Variants in HECTD4 observed in about 807,000 individuals in gnomAD.
The protein encoded by HECTD4 is probable E3 ubiquitin-protein ligase HECTD4.
In HECTD4, 114 loss-of-function variants were observed where a neutral mutation model predicts 471.5. That is an observed-to-expected ratio of 0.24 (90% CI 0.21 to 0.28). The LOEUF (loss-of-function observed/expected upper bound fraction) is 0.28, where lower values mean the gene tolerates loss of function less well. Among genes scored for constraint, HECTD4 ranks in the 10% least tolerant of loss-of-function variants. The pLI, the probability that HECTD4 is intolerant of heterozygous loss-of-function variation, is 1.00. For synonymous variants in HECTD4, 2,012 were observed against 2,256.0 expected (o/e 0.89, Z 3.07); for missense variants, 3,866 against 5,651.5 (o/e 0.68, Z 10.13).
intron 62 of HECTD4, among the ~76,000 whole-genome samples, chr12:112,181,128 A>G (rs2031654297): frequency 2.0e-5 from 3 of 151,428 alleles, no homozygotes; most frequent in Admixed American, 2.0e-4. Flanking sequence ...AGATCGCACC[A>G]CTGCACTCCA....
At chr12:112,182,116 A>C (rs759908594) in intron 62 of HECTD4, among the ~76,000 whole-genome samples, 54 of 151,828 alleles carry the variant, frequency 3.6e-4, no homozygotes, top group Non-Finnish European at 6.3e-4. Flanking sequence ...TTACAATTTT[A>C]TACTTCAAAA....
chr12:112,291,198 T>C (rs970322104), intron 7 of HECTD4, among the ~76,000 whole-genome samples: 4 of 152,134 alleles, frequency 2.6e-5, no homozygotes, highest in South Asian at 2.1e-4. Flanking sequence ...TACTAAAATA[T>C]ACACAAAAAG....
rs72342162 is a variant in HECTD4, at chr12:112,329,370, G to GT, written c.178-9629dup. ...TGTATTGATTTGTTTTGGGTTTTTTGTTTTTTTTTTTTTTTTTAACAGAGT... is the reference window on the plus strand; with the variant it reads ...TGTATTGATTTGTTTTGGGTTTTTTGTTTTTTTTTTTTTTTTTTAACAGAGT... On this transcript the variant is annotated intron_variant, in intron 1 of 75. Transcript: ENST00000682272. 4.5e-3 allele frequency among the ~76,000 whole-genome samples: 585 copies of GT among 131,072 alleles called. 2 individuals carry two copies. Among genetic ancestry groups the GT allele is most frequent in the Non-Finnish European group, 4.8e-3 (293 of 61,030 alleles). The allele number at this position is 131,072 out of a possible 152,430, so 86.0% of individuals were successfully genotyped here. A position where few individuals can be genotyped will look rare whatever the true frequency, so the allele number is the denominator to read the frequency against.
rs889310868 is a variant in HECTD4 at position 112,162,674 on chromosome 12, C to A, written c.13121-151G>T. On this transcript the variant is annotated intron_variant, in intron 75 of 75. Transcript: ENST00000682272. The surrounding 1 kb of genome is among the most constrained non-coding windows in gnomAD (Gnocchi z 5.2). ...CAGGAGGGGGATGAGGGCCTGGGAA[C>A]CTGCGAGATGTTCTTGGAGGGAAAA... 4.7e-6 allele frequency: 4 copies of A among 850,342 alleles called. No homozygotes were observed. The African/African-American group carries it at 6.8e-5, about 15-fold the overall frequency. 52.7% of individuals were successfully genotyped at this position (850,342 alleles called of 1,614,324 possible).
intron 62 of HECTD4, among the ~76,000 whole-genome samples, chr12:112,180,647 A>G (rs2031634358): frequency 6.6e-6 from 1 of 152,188 alleles, no homozygotes; most frequent in Non-Finnish European, 1.5e-5. Flanking sequence ...ATATGTGGAA[A>G]GTTTGACTGT....
Position 112,230,951 on chromosome 12 carries a change from G to A in HECTD4, c.6201-129C>T, listed in dbSNP as rs12579851. Reference sequence around the variant, plus strand: ...CAAGAAAAAGTGGATTCCATTGACCGAGAAAACAAGAAGCTACATTATCAT... The same window carrying A: ...CAAGAAAAAGTGGATTCCATTGACCAAGAAAACAAGAAGCTACATTATCAT... On this transcript the variant is annotated intron_variant, in intron 39 of 75. Transcript: ENST00000682272. 0.079 allele frequency: 61,657 copies of A among 780,514 alleles called. 2,928 individuals are homozygous for A. Among genetic ancestry groups the A allele is most frequent in the East Asian group, 0.18 (6,667 of 36,326 alleles). 48.3% of individuals were successfully genotyped at this position (780,514 alleles called of 1,614,324 possible).
At chr12:112,355,863 T>C (rs1325063646) in intron 1 of HECTD4, among the ~76,000 whole-genome samples, 2 of 152,242 alleles carry the variant, frequency 1.3e-5, no homozygotes, top group African/African-American at 4.8e-5. Context: ...ATATCACAGA[T>C]GCGAACAGTA....
intron 16 of HECTD4, 55 bp downstream of exon 16, chr12:112,265,120 T>C (rs1030677377): frequency 3.9e-5 from 59 of 1,503,074 alleles, no homozygotes; most frequent in Non-Finnish European, 5.2e-5. Flanking sequence ...TATAATAAAA[T>C]GAAAACAGGG....
chr12:112,327,555 T>A (rs1352329400), intron 1 of HECTD4, among the ~76,000 whole-genome samples: 1 of 152,192 alleles, frequency 6.6e-6, no homozygotes, highest in African/African-American at 2.4e-5. Context: ...ATGGATGTTA[T>A]TTTTTCTCTG....
chr12:112,277,094 A>C (rs1371303933), intron 9 of HECTD4, among the ~76,000 whole-genome samples: 1 of 152,222 alleles, frequency 6.6e-6, no homozygotes, highest in Non-Finnish European at 1.5e-5. Flanking sequence ...TATGTGCCCA[A>C]GAGTATGAAA....
intron 41 of HECTD4, among the ~76,000 whole-genome samples, chr12:112,229,212 A>C (rs531544985): frequency 5.9e-5 from 9 of 152,138 alleles, no homozygotes; most frequent in Non-Finnish European, 8.8e-5. Context: ...CTGTAATCCC[A>C]GCTACTTGGG....
chr12:112,250,129 T>G lies in HECTD4; in HGVS notation c.3950+15A>C. ...TTTCCCATTGGGAAAAGTAAAACAC[T>G]ACACAGCAACATACTTTATACTTGG... On this transcript the variant is annotated intron_variant, in intron 25 of 75. Coordinates refer to ENST00000682272, the MANE Select transcript of HECTD4 (RefSeq NM_001388303.1). 1.3e-6 allele frequency: 2 copies of G among 1,585,450 alleles called. No homozygotes were observed. The highest frequency in any genetic ancestry group is 1.7e-6 in the Non-Finnish European group (2 of 1,155,438).
chr12:112,298,698 C>T (rs1038622818), intron 7 of HECTD4, among the ~76,000 whole-genome samples: 23 of 151,658 alleles, frequency 1.5e-4, no homozygotes, highest in African/African-American at 5.1e-4. Flanking sequence ...GCCTGGCCAA[C>T]ACGGTGAAAC....
chr12:112,168,379 T>C (rs2031067974), intron 70 of HECTD4, among the ~76,000 whole-genome samples: 1 of 152,182 alleles, frequency 6.6e-6, no homozygotes, highest in African/African-American at 2.4e-5. Context: ...GTATGTCCGA[T>C]GAATGCGTGA....
intron 52 of HECTD4, among the ~76,000 whole-genome samples, chr12:112,207,116 G>GTGTA (rs149725381): frequency 0.25 from 36,440 of 147,302 alleles, 4,503 homozygotes; most frequent in African/African-American, 0.31. Context: ...ATGTGTGTGT[G>GTGTA]TGTATGTATG....
Position 112,347,038 on chromosome 12 carries a change from G to T in HECTD4, c.178-27296C>A, listed in dbSNP as rs111799922. On this transcript the variant is annotated intron_variant, in intron 1 of 75. Transcript: ENST00000682272. ...CAAACAAAATCTGTGGGTTGAATCT[G>T]GCCTTCTAACTACAGTTTGCAATTC... Among the ~76,000 whole-genome samples the T allele has an allele frequency of 3.4e-3, 519 of 152,058 alleles. 3 individuals carry two copies. The highest frequency in any genetic ancestry group is 0.012 in the African/African-American group (494 of 41,474).
chr12:112,339,618 A>C (rs1444905644), intron 1 of HECTD4, among the ~76,000 whole-genome samples: 1 of 152,042 alleles, frequency 6.6e-6, no homozygotes, highest in East Asian at 1.9e-4. Flanking sequence ...GTGTGTATTT[A>C]AAATGGCTAC....
Position 112,184,918 on chromosome 12 carries a change from C to T in HECTD4, c.10048G>A (p.Asp3350Asn). Residue 3350 changes from aspartate (D) to asparagine (N), a missense_variant, in exon 61 of 76, where the codon GAC (aspartate) becomes AAC (asparagine). Coordinates refer to ENST00000682272, the MANE Select transcript of HECTD4 (RefSeq NM_001388303.1). The surrounding 1 kb of genome is among the most constrained non-coding windows in gnomAD (Gnocchi z 9.1). ...VLSIGGSKPE[D>N]MLWFHRALTL... The stretch of plus-strand genomic sequence containing the variant: ...AGTGCGCGGTGGAACCACAGCATGT[C>T]CTCGGGCTTGCTGCCTCCGATGCTG... 1 of 1,613,734 alleles carries T rather than the reference C, an allele frequency of 6.2e-7. No homozygotes were observed. The highest frequency in any genetic ancestry group is 8.5e-7 in the Non-Finnish European group (1 of 1,179,798).
chr12:112,315,929 G>A (rs1055222461), intron 2 of HECTD4, among the ~76,000 whole-genome samples: 2 of 151,334 alleles, frequency 1.3e-5, no homozygotes, highest in African/African-American at 4.9e-5. Flanking sequence ...GAGAGACAGG[G>A]TCTCATTATG....
Sources: gnomAD v4.1 joint callset for allele counts (sites outside exome capture counted in the v4.1 genomes callset) on GRCh38, gnomAD v4.1.1 for gene constraint, Gnocchi (gnomAD v3.1) non-coding constraint, MANE v1.5 for transcripts, NCBI Gene and HGNC (gene_info 2026-07-23, HGNC 2026-07-21) for gene names.